Variants in KCNH5 observed in about 807,000 individuals in gnomAD.
KCNH5 encodes the protein voltage-gated delayed rectifier potassium channel KCNH5.
In KCNH5, 46 loss-of-function variants were observed where a neutral mutation model predicts 96.1. The observed-to-expected ratio is 0.48, with a 90% CI of 0.38 to 0.61. The LOEUF is 0.61. KCNH5 is among the 20% of genes least tolerant of loss of function. The pLI, the probability that KCNH5 is intolerant of heterozygous loss-of-function variation, is 0.00. For synonymous variants in KCNH5, 439 were observed against 449.8 expected, an observed-to-expected ratio of 0.98 and a Z score of 0.30; for missense variants, 907 against 1,225.8, an observed-to-expected ratio of 0.74 and a Z score of 3.88.
intron 8 of KCNH5, among the ~76,000 whole-genome samples, chr14:62,847,313 T>C (rs1224269386): frequency 6.6e-6 from 1 of 151,996 alleles, no homozygotes; most frequent in Non-Finnish European, 1.5e-5. Flanking sequence ...GTGTGTAATC[T>C]AAGAATCATT....
chr14:62,968,039 C>T (rs1025510833), intron 6 of KCNH5, among the ~76,000 whole-genome samples: 2 of 152,180 alleles, frequency 1.3e-5, no homozygotes, highest in African/African-American at 4.8e-5. Flanking sequence ...ACTGCTTTGT[C>T]TCATTGGAAA....
At chr14:62,828,331 C>A (rs967376546) in intron 8 of KCNH5, among the ~76,000 whole-genome samples, 1 of 151,986 alleles carries the variant, frequency 6.6e-6, no homozygotes, top group African/African-American at 2.4e-5. Context: ...TGAATTATTT[C>A]TATTTATGCT....
Position 62,950,254 on chromosome 14 carries a change from A to G in KCNH5, c.1248T>C (p.Asp416=). 6.2e-7 allele frequency: 1 copy of G among 1,613,992 alleles called. No individual in the cohort carries two copies. Among genetic ancestry groups the G allele is most frequent in the South Asian group, 1.1e-5 (1 of 91,070 alleles). ...AGIWEGGPSK[D]SLYVSSLYFT... ...AGTAGAGAGAGGACACGTACAATGA[A>G]TCCTTGCTGGGTCCTCCTTCCCATA... The change falls in exon 7 of 11, where the codon GAT becomes GAC. Residue 416 remains aspartate, a synonymous_variant. Transcript: ENST00000322893.
At chr14:62,715,005 C>A (rs755702793) in intron 10 of KCNH5, among the ~76,000 whole-genome samples, 18 of 152,082 alleles carry the variant, frequency 1.2e-4, no homozygotes, top group Non-Finnish European at 2.5e-4. Flanking sequence ...TTCATTTAAG[C>A]TTTTTTTCCT....
At chr14:62,877,559 C>G (rs111849707) in intron 7 of KCNH5, among the ~76,000 whole-genome samples, 5,126 of 152,210 alleles carry the variant, frequency 0.034, 285 homozygotes, top group African/African-American at 0.12. Context: ...TTTCTCAAAA[C>G]AAGACATTTA....
chr14:63,038,687 C>T (rs1891768659), intron 1 of KCNH5, among the ~76,000 whole-genome samples: 1 of 151,940 alleles, frequency 6.6e-6, no homozygotes, highest in Non-Finnish European at 1.5e-5. Flanking sequence ...TATAACCAAA[C>T]ACTAAAATGA....
At chr14:62,830,739 A>G (rs1306138241) in intron 8 of KCNH5, among the ~76,000 whole-genome samples, 1 of 152,134 alleles carries the variant, frequency 6.6e-6, no homozygotes, top group East Asian at 1.9e-4. Context: ...AACCATATCA[A>G]TTGGTGATCC....
chr14:62,940,563 G>A (rs1344977973), intron 7 of KCNH5, among the ~76,000 whole-genome samples: 1 of 152,136 alleles, frequency 6.6e-6, no homozygotes, highest in Non-Finnish European at 1.5e-5. Context: ...TGACATCTTG[G>A]TTCTTTCATT....
intron 10 of KCNH5, among the ~76,000 whole-genome samples, chr14:62,725,567 G>A (rs145880226): frequency 6.6e-6 from 1 of 152,222 alleles, no homozygotes; most frequent in Non-Finnish European, 1.5e-5. Flanking sequence ...ACAGTCAATT[G>A]ATGATATCAG....
rs1329464809 is a variant in KCNH5 at position 62,702,398 on chromosome 14, C to T, written c.*5110G>A. 1 of 152,006 alleles carries T rather than the reference C, an allele frequency of 6.6e-6. No individual in the cohort carries two copies. The highest frequency in any genetic ancestry group is 2.4e-5 in the African/African-American group (1 of 41,422). 9.4% of individuals were successfully genotyped at this position (152,006 alleles called of 1,614,324 possible). ...AAGTATGTGTCTGGAAAAACCTAGACTAGATGGTTGAACTAGATAGTTCTT... is the reference window on the plus strand; with the variant it reads ...AAGTATGTGTCTGGAAAAACCTAGATTAGATGGTTGAACTAGATAGTTCTT... On this transcript the variant is annotated 3_prime_UTR_variant, in exon 11 of 11. Transcript: ENST00000322893.
intron 7 of KCNH5, among the ~76,000 whole-genome samples, chr14:62,857,119 C>G (rs190410804): frequency 2.1e-4 from 32 of 152,148 alleles, no homozygotes; most frequent in African/African-American, 7.2e-4. Flanking sequence ...GTCAAAATAG[C>G]CCCAATAATT....
chr14:62,725,383 T>C (rs1357827931), intron 10 of KCNH5, among the ~76,000 whole-genome samples: 3 of 152,352 alleles, frequency 2.0e-5, no homozygotes, highest in Non-Finnish European at 4.4e-5. Flanking sequence ...TAGTCTCCTA[T>C]TATCTTTGGG....
At chr14:63,001,513 A>C in intron 3 of KCNH5, 54 bp from the exon 4 acceptor site, 1 of 1,525,784 alleles carries the variant, frequency 6.6e-7, no homozygotes, top group South Asian at 1.3e-5. Context: ...CGGCCACAGC[A>C]GTGGTTTGGT....
intron 8 of KCNH5, among the ~76,000 whole-genome samples, chr14:62,817,117 T>G (rs1314881668): frequency 7.1e-6 from 1 of 139,874 alleles, no homozygotes; most frequent in East Asian, 2.0e-4. Flanking sequence ...TATGACATAA[T>G]ATATTTATTA....
chr14:62,722,302 A>C (rs776634775), intron 10 of KCNH5, among the ~76,000 whole-genome samples: 35 of 152,224 alleles, frequency 2.3e-4, no homozygotes, highest in Non-Finnish European at 4.1e-4. Context: ...TGGGAACATT[A>C]AAATAAAATT....
chr14:62,884,316 C>T (rs1043309693), intron 7 of KCNH5, among the ~76,000 whole-genome samples: 1 of 152,100 alleles, frequency 6.6e-6, no homozygotes, highest in Non-Finnish European at 1.5e-5. Context: ...ATTACTACAA[C>T]AATTAATTTT....
Position 62,950,118 on chromosome 14 carries a change from A to G in KCNH5, c.1369+15T>C. 1 of 1,611,588 alleles carries G rather than the reference A, an allele frequency of 6.2e-7. No homozygotes were observed. The highest frequency in any genetic ancestry group is 8.5e-7 in the Non-Finnish European group (1 of 1,178,524). On this transcript the variant is annotated intron_variant, in intron 7 of 10. Coordinates refer to ENST00000322893, the MANE Select transcript of KCNH5 (RefSeq NM_139318.5). Reference sequence around the variant, plus strand: ...CAATAACAATAATTTTCAATGAAAAAATTAAAATACTTACAGCCAACCATC... The same window carrying G: ...CAATAACAATAATTTTCAATGAAAAGATTAAAATACTTACAGCCAACCATC...
intron 7 of KCNH5, among the ~76,000 whole-genome samples, chr14:62,873,655 G>T (rs1199955831): frequency 6.6e-6 from 1 of 152,134 alleles, no homozygotes; most frequent in East Asian, 1.9e-4. Context: ...TACCTGAAAA[G>T]ATTTATAGAA....
intron 9 of KCNH5, among the ~76,000 whole-genome samples, chr14:62,791,535 A>G (rs1234826442): frequency 6.6e-6 from 1 of 151,708 alleles, no homozygotes; most frequent in African/African-American, 2.4e-5. Context: ...TATAAGAACT[A>G]TTTTAGATTT....
Sources: gnomAD v4.1 joint callset for allele counts (sites outside exome capture counted in the v4.1 genomes callset) on GRCh38, gnomAD v4.1.1 for gene constraint, MANE v1.5 for transcripts, NCBI Gene and HGNC (gene_info 2026-07-23, HGNC 2026-07-21) for gene names.